Variants in PLEKHG7 observed in about 807,000 individuals in gnomAD.
PLEKHG7 encodes the protein pleckstrin homology domain-containing family G member 7.
PLEKHG7 carries 77 observed loss-of-function variants against 85.2 expected under a neutral mutation model. The observed-to-expected ratio is 0.90, with a 90% CI of 0.75 to 1.09. The LOEUF (loss-of-function observed/expected upper bound fraction) is 1.09. PLEKHG7 is among the 50% of genes least tolerant of loss of function. PLEKHG7 has a pLI of 0.00. For missense variants in PLEKHG7, 777 were observed against 804.3 expected (o/e 0.97, Z 0.41); for synonymous variants, 301 against 302.4 (o/e 1.00, Z 0.05).
In PLEKHG7 at chr12:92,756,434, C is replaced by G. The variant is rs373477269; in HGVS notation, c.1636+43C>G. On this transcript the variant is annotated intron_variant, in intron 13 of 16. Coordinates refer to ENST00000344636, the MANE Select transcript of PLEKHG7 (RefSeq NM_001377329.1). ...TTAAAAAACCCAACATCTGTGCCGC[C>G]TTGTAACTTGTTTGACTGCCAGTAA... 1.7e-5 allele frequency: 25 copies of G among 1,447,442 alleles called. No individual in the cohort carries two copies. In the African/African-American group the frequency reaches 3.4e-4, roughly 20 times the overall value. 89.7% of individuals were successfully genotyped at this position (1,447,442 alleles called of 1,614,324 possible).
rs575524089 is a variant in PLEKHG7, at chr12:92,703,069, G to A, written c.-225G>A. On this transcript the variant is annotated 5_prime_UTR_variant, in exon 1 of 17. Transcript: ENST00000344636. The stretch of plus-strand genomic sequence containing the variant: ...GCCTGGCAGCTCACTCTGGATCTGC[G>A]GGTTCTGAGGAGCCTCGGGACCCAC... The A allele has an allele frequency of 9.8e-5, 15 of 152,326 alleles. No homozygotes were observed. The highest frequency in any genetic ancestry group is 3.1e-4 in the African/African-American group (13 of 41,568). The allele number at this position is 152,326 out of a possible 1,614,324, so 9.4% of individuals were successfully genotyped here. A position where few individuals can be genotyped will look rare whatever the true frequency, so the allele number is the denominator to read the frequency against.
chr12:92,744,859 G>C lies in PLEKHG7; in HGVS notation c.1138-619G>C, dbSNP rs915057513. Among the ~76,000 whole-genome samples, 27 of 152,046 alleles carry C rather than the reference G, an allele frequency of 1.8e-4. No homozygotes were observed. The East Asian group carries it at 4.8e-3, about 27-fold the overall frequency. The stretch of plus-strand genomic sequence containing the variant: ...TTTTTGTATTTTTTATTAGAGACGG[G>C]GTTTCAATGTGTTGCACAGGCTAGT... On this transcript the variant is annotated intron_variant, in intron 9 of 16. Coordinates refer to ENST00000344636, the MANE Select transcript of PLEKHG7 (RefSeq NM_001377329.1).
chr12:92,766,159 A>G (rs1156527827), intron 15 of PLEKHG7, among the ~76,000 whole-genome samples: 1 of 152,210 alleles, frequency 6.6e-6, no homozygotes, highest in Non-Finnish European at 1.5e-5. Context: ...AATGTAGATA[A>G]AACAAAGCCT....
intron 10 of PLEKHG7, among the ~76,000 whole-genome samples, chr12:92,749,122 C>CTA (rs1308362682): frequency 6.6e-6 from 1 of 152,044 alleles, no homozygotes; most frequent in African/African-American, 2.4e-5. Flanking sequence ...GAACGTAAAC[C>CTA]TATGCCATGT....
At chr12:92,740,769 A>G in intron 7 of PLEKHG7, 84 bp from the exon 8 acceptor site, 1 of 820,818 alleles carries the variant, frequency 1.2e-6, no homozygotes, top group Admixed American at 2.1e-5. Flanking sequence ...TACACCCAGG[A>G]GGTTTATGTT....
chr12:92,770,498 A>C lies in PLEKHG7; in HGVS notation c.*303A>C, dbSNP rs1873379038. The C allele has an allele frequency of 3.5e-6, 1 of 284,540 alleles. No homozygotes were observed. The highest frequency in any genetic ancestry group is 6.5e-6 in the Non-Finnish European group (1 of 153,238). The allele number at this position is 284,540 out of a possible 1,614,324, so 17.6% of individuals were successfully genotyped here. On this transcript the variant is annotated 3_prime_UTR_variant, in exon 17 of 17. Coordinates refer to ENST00000344636, the MANE Select transcript of PLEKHG7 (RefSeq NM_001377329.1). ...GGTGCTAATTTGTAAAGGGTGAATG[A>C]TCAGATAAATGGAGTATCAGAAGGA...
chr12:92,754,222 A>G lies in PLEKHG7; in HGVS notation c.1384A>G (p.Ile462Val). 6.2e-7 allele frequency: 1 copy of G among 1,614,044 alleles called. No individual in the cohort carries two copies. Among genetic ancestry groups the G allele is most frequent in the African/African-American group, 1.3e-5 (1 of 75,058 alleles). ...AAGGAGCATGGACTCTGCTGAGAAA[A>G]TCATGATCTACTCCATCAAGGAAAA... is the stretch of plus-strand genomic sequence containing the variant. ...WKRSMDSAEK[I>V]MIYSIKEKVE... Residue 462 changes from isoleucine (I) to valine (V), a missense_variant, in exon 11 of 17, where the codon ATC (isoleucine) becomes GTC (valine). Physicochemically the swap from Ile to Val is conservative, Grantham distance 29. Around this residue, in one of 3 missense-constraint regions of PLEKHG7, gnomAD observed 520 missense variants for 544.0 expected, o/e 0.96. Coordinates refer to ENST00000344636, the MANE Select transcript of PLEKHG7 (RefSeq NM_001377329.1).
intron 3 of PLEKHG7, among the ~76,000 whole-genome samples, chr12:92,709,756 G>A (rs1871333527): frequency 6.6e-6 from 1 of 152,234 alleles, no homozygotes; most frequent in Admixed American, 6.5e-5. Context: ...AGAACAGCTA[G>A]GTCAGGCTGG....
chr12:92,721,702 CAAAAAAAAA>C (rs71069170), intron 3 of PLEKHG7, among the ~76,000 whole-genome samples: 3 of 43,368 alleles, frequency 6.9e-5, no homozygotes, highest in African/African-American at 2.3e-4. Context: ...AGCATAAAAC[CAAAAAAAAA>C]AAAAAAAAAA....
At chr12:92,753,117 G>T (rs1206653354) in intron 10 of PLEKHG7, among the ~76,000 whole-genome samples, 1 of 152,220 alleles carries the variant, frequency 6.6e-6, no homozygotes. Context: ...AGGTGGATTT[G>T]AAGGAAAGCA....
At chr12:92,769,216 G>T (rs1300089698) in intron 16 of PLEKHG7, 136 bp downstream of exon 16, 2 of 626,176 alleles carry the variant, frequency 3.2e-6, no homozygotes, top group Non-Finnish European at 5.5e-6. Context: ...TGGGAGGAGG[G>T]GAGGGGTACA....
At chr12:92,761,934 C>A in intron 14 of PLEKHG7, 103 bp downstream of exon 14, 1 of 1,290,620 alleles carries the variant, frequency 7.7e-7, no homozygotes. Flanking sequence ...TATTCTTAAG[C>A]TGAATCTTTT....
At chr12:92,709,483 T>G (rs1871326626) in intron 3 of PLEKHG7, among the ~76,000 whole-genome samples, 1 of 152,156 alleles carries the variant, frequency 6.6e-6, no homozygotes, top group African/African-American at 2.4e-5. Context: ...AACATCTAAG[T>G]GGAGATTTTG....
At chr12:92,717,386 G>A (rs1399440589) in intron 3 of PLEKHG7, among the ~76,000 whole-genome samples, 1 of 152,166 alleles carries the variant, frequency 6.6e-6, no homozygotes, top group Non-Finnish European at 1.5e-5. Flanking sequence ...AGCAGGACCT[G>A]GAGTTAAAAT....
At chr12:92,707,727 T>G in intron 3 of PLEKHG7, 55 bp downstream of exon 3, 9 of 1,612,056 alleles carry the variant, frequency 5.6e-6, no homozygotes, top group Non-Finnish European at 7.6e-6. Flanking sequence ...TATTTACTAT[T>G]AGATTTTTAT....
At chr12:92,757,569 C>T (rs544356464) in intron 13 of PLEKHG7, among the ~76,000 whole-genome samples, 2 of 152,270 alleles carry the variant, frequency 1.3e-5, no homozygotes, top group African/African-American at 4.8e-5. Context: ...ACATATCCAG[C>T]GTTTTATATC....
intron 5 of PLEKHG7, among the ~76,000 whole-genome samples, chr12:92,735,777 TA>T (rs1450543552): frequency 6.6e-6 from 1 of 152,204 alleles, no homozygotes; most frequent in Non-Finnish European, 1.5e-5. Context: ...ATTTAAAAAT[TA>T]ATTATGAATA....
rs1308379345 is a variant in PLEKHG7 at position 92,754,233 on chromosome 12, C to T, written c.1395C>T (p.Tyr465=). ...SMDSAEKIMI[Y]SIKEKVEKSI... ...ACTCTGCTGAGAAAATCATGATCTA[C>T]TCCATCAAGGAAAAGGTGGAAAAGT... Residue 465 remains tyrosine (Y), a synonymous_variant, in exon 11 of 17, where the codon TAC becomes TAT. Transcript: ENST00000344636. 1.9e-6 allele frequency: 3 copies of T among 1,613,954 alleles called. No homozygotes were observed. The highest frequency in any genetic ancestry group is 1.7e-5 in the Admixed American group (1 of 60,016).
intron 10 of PLEKHG7, among the ~76,000 whole-genome samples, chr12:92,749,887 A>T (rs1333808985): frequency 3.0e-4 from 40 of 134,304 alleles, no homozygotes; most frequent in Non-Finnish European, 4.4e-4. Flanking sequence ...TTTATTTTTT[A>T]TTTTATTTTA....
Sources: gnomAD v4.1 joint callset for allele counts (sites outside exome capture counted in the v4.1 genomes callset) on GRCh38, gnomAD v4.1.1 for gene constraint, gnomAD v4.1.1 regional missense constraint, MANE v1.5 for transcripts, NCBI Gene and HGNC (gene_info 2026-07-23, HGNC 2026-07-21) for gene names.